Variants in RAB1B observed in about 807,000 individuals in gnomAD.
RAB1B encodes ras-related protein Rab-1B.
A neutral mutation model predicts 24.8 loss-of-function variants in RAB1B; 10 were observed. The observed-to-expected ratio is 0.40, with a 90% confidence interval of 0.25 to 0.68. RAB1B has a LOEUF of 0.68. RAB1B is among the 30% of genes least tolerant of loss of function. The pLI is 0.37. For synonymous variants in RAB1B, 99 were observed against 111.7 expected (o/e 0.89, Z 0.72); for missense variants, 154 against 271.2 (o/e 0.57, Z 3.04).
intron 1 of RAB1B, chr11:66,270,023 C>T (rs1321082523): frequency 6.6e-6 from 1 of 152,134 alleles, no homozygotes; most frequent in Non-Finnish European, 1.5e-5. Context: ...TACAGAGGCA[C>T]ACCACCACAC....
Position 66,268,658 on chromosome 11 carries a change from C to T in RAB1B, c.-22C>T. ...CGGAGCAGAGTCGACTGGGAGCGAC[C>T]GAGCGGGCCGCCGCCGCCGCCATGA... is the stretch of plus-strand genomic sequence containing the variant. On this transcript the variant is annotated 5_prime_UTR_variant, in exon 1 of 6. Transcript: ENST00000311481. The T allele has an allele frequency of 1.9e-6, 3 of 1,561,142 alleles. No homozygotes were observed. Among genetic ancestry groups the T allele is most frequent in the Admixed American group, 2.0e-5 (1 of 50,618 alleles).
rs572783194 is a variant in RAB1B, at chr11:66,272,721, C to T, written c.279+261C>T. 106 of 304,116 alleles carry T rather than the reference C, an allele frequency of 3.5e-4. No individual in the cohort carries two copies. In the Middle Eastern group the frequency reaches 5.8e-3, roughly 17 times the overall value. The allele number at this position is 304,116 out of a possible 1,614,324, so 18.8% of individuals were successfully genotyped here. A position where few individuals can be genotyped will look rare whatever the true frequency, so the allele number is the denominator to read the frequency against. The stretch of plus-strand genomic sequence containing the variant: ...CAGGACAAGGCCTCACACCTTCCCT[C>T]CCCACCAAGCCAAACTTGCCACCTT... On this transcript the variant is annotated intron_variant, in intron 4 of 5. Transcript: ENST00000311481.
intron 2 of RAB1B, 129 bp downstream of exon 2, chr11:66,271,998 G>A (rs1004344136): frequency 3.2e-6 from 3 of 944,668 alleles, no homozygotes; most frequent in Admixed American, 3.4e-5. Context: ...CCTGCCACCA[G>A]CACATCTGCC....
chr11:66,272,016 A>G (rs1206729043), intron 2 of RAB1B, 141 bp from the exon 3 acceptor site: 1 of 951,550 alleles, frequency 1.1e-6, no homozygotes, highest in Non-Finnish European at 1.7e-6. Context: ...GCCCTGAACA[A>G]GACAGGGCTG....
Position 66,277,376 on chromosome 11 carries a change from CTG to C in RAB1B, c.*1139_*1140del, listed in dbSNP as rs564876428. 1.3e-5 allele frequency: 2 copies of C among 152,768 alleles called. No homozygotes were observed. Among genetic ancestry groups the C allele is most frequent in the African/African-American group, 4.8e-5 (2 of 41,592 alleles). 9.5% of individuals were successfully genotyped at this position (152,768 alleles called of 1,614,324 possible). A position where few individuals can be genotyped will look rare whatever the true frequency, so the allele number is the denominator to read the frequency against. Reference sequence around the variant, plus strand: ...GTGCCCCCCGCTCCCAGGTTCCCCTCTGGTGTCATGTCAGGCATTTTGCAAGG... The same window carrying C: ...GTGCCCCCCGCTCCCAGGTTCCCCTCGTGTCATGTCAGGCATTTTGCAAGG... On this transcript the variant is annotated 3_prime_UTR_variant, in exon 6 of 6. Coordinates refer to ENST00000311481, the MANE Select transcript of RAB1B (RefSeq NM_030981.3).
chr11:66,270,037 G>T (rs888010425), intron 1 of RAB1B: 1 of 151,956 alleles, frequency 6.6e-6, no homozygotes, highest in African/African-American at 2.4e-5. Context: ...ACCACACCTG[G>T]CACATTTTTT....
In RAB1B at chr11:66,271,806, G is replaced by T. The variant is rs780981587; in HGVS notation, c.24G>T (p.Leu8=). The T allele has an allele frequency of 3.1e-6, 5 of 1,613,860 alleles. No individual in the cohort carries two copies. The highest frequency in any genetic ancestry group is 2.7e-5 in the African/African-American group (2 of 74,890). The part of the protein sequence containing the change: MNPEYDY[L]FKLLLIGDSG... ...CATCTTCTCTCTCCAGTGACTACCT[G>T]TTTAAGCTGCTTTTGATTGGCGACT... The change falls in exon 2 of 6, where the codon CTG becomes CTT. Residue 8 remains leucine, a synonymous_variant. Transcript: ENST00000311481.
intron 1 of RAB1B, 136 bp from the exon 2 acceptor site, chr11:66,271,661 A>G: frequency 4.8e-6 from 3 of 624,598 alleles, no homozygotes; most frequent in Non-Finnish European, 8.6e-6. Flanking sequence ...ACAGAGTGAG[A>G]CCTTATTGCT....
At chr11:66,269,848 G>T (rs554459) in intron 1 of RAB1B, 151,900 of 152,300 alleles carry the variant, frequency 1, 75,752 homozygotes, top group Middle Eastern at 1. Flanking sequence ...TGGAACTCAA[G>T]TATATTAAAT....
chr11:66,272,701 C>T (rs1327924411), intron 4 of RAB1B: 2 of 346,448 alleles, frequency 5.8e-6, no homozygotes, highest in East Asian at 1.0e-4. Context: ...TCTGGCAGGA[C>T]AAGGCCTCAC....
At chr11:66,274,752 C>G (rs531464684) in intron 4 of RAB1B, among the ~76,000 whole-genome samples, 1 of 132,268 alleles carries the variant, frequency 7.6e-6, no homozygotes, top group East Asian at 2.6e-4. Context: ...CCTTTCTCCT[C>G]CCCACTCCCC....
chr11:66,269,306 C>T (rs989449195), intron 1 of RAB1B, among the ~76,000 whole-genome samples: 5 of 152,284 alleles, frequency 3.3e-5, no homozygotes, highest in Admixed American at 1.3e-4. Context: ...CCCGCCCTCT[C>T]CTCGCTTTTG....
intron 4 of RAB1B, among the ~76,000 whole-genome samples, chr11:66,275,244 A>G (rs1486599121): frequency 1.3e-5 from 2 of 151,984 alleles, no homozygotes; most frequent in African/African-American, 4.8e-5. Context: ...GTAGGGGCGC[A>G]AGTGCTGGGA....
intron 1 of RAB1B, chr11:66,270,784 C>G (rs1181870171): frequency 6.6e-6 from 1 of 152,310 alleles, no homozygotes; most frequent in Non-Finnish European, 1.5e-5. Flanking sequence ...CTTCTGGGGC[C>G]TTCTCTGCCA....
intron 4 of RAB1B, 133 bp downstream of exon 4, chr11:66,272,593 C>T (rs1468433220): frequency 3.3e-6 from 2 of 603,714 alleles, no homozygotes; most frequent in South Asian, 2.7e-5. Flanking sequence ...CAGGAACTAA[C>T]TAGGAAAAAG....
chr11:66,268,679 C>T lies in RAB1B; in HGVS notation c.-1C>T. 1 of 1,570,592 alleles carries T rather than the reference C, an allele frequency of 6.4e-7. No homozygotes were observed. The highest frequency in any genetic ancestry group is 1.4e-5 in the African/African-American group (1 of 74,040). On this transcript the variant is annotated 5_prime_UTR_variant, in exon 1 of 6. Transcript: ENST00000311481. Reference sequence around the variant, plus strand: ...CGACCGAGCGGGCCGCCGCCGCCGCCATGAACCCCGAATAGTGAGTGAGCC... The same window carrying T: ...CGACCGAGCGGGCCGCCGCCGCCGCTATGAACCCCGAATAGTGAGTGAGCC...
intron 4 of RAB1B, 129 bp downstream of exon 4, chr11:66,272,589 C>A: frequency 1.6e-6 from 1 of 617,602 alleles, no homozygotes; most frequent in Non-Finnish European, 2.8e-6. Context: ...CTTACAGGAA[C>A]TAACTAGGAA....
At chr11:66,272,046 T>C (rs1857068684) in intron 2 of RAB1B, 111 bp from the exon 3 acceptor site, 1 of 987,046 alleles carries the variant, frequency 1.0e-6, no homozygotes, top group South Asian at 1.3e-5. Flanking sequence ...GTGCTGGGAA[T>C]TGGGGCTTGG....
Position 66,272,262 on chromosome 11 carries a change from G to T in RAB1B, c.183+10G>T. ...TATCAAACTTCAGATCGTGAGTGTC[G>T]CTCTTCCCAAAATCCCCAGTACAGA... On this transcript the variant is annotated intron_variant, in intron 3 of 5. Coordinates refer to ENST00000311481, the MANE Select transcript of RAB1B (RefSeq NM_030981.3). 6.2e-7 allele frequency: 1 copy of T among 1,611,340 alleles called. No individual in the cohort carries two copies.
Sources: gnomAD v4.1 joint callset for allele counts (sites outside exome capture counted in the v4.1 genomes callset) on GRCh38, gnomAD v4.1.1 for gene constraint, MANE v1.5 for transcripts, NCBI Gene and HGNC (gene_info 2026-07-23, HGNC 2026-07-21) for gene names.